The following MAPRE3 variants were observed in gnomAD, a reference collection of about 807,000 sequenced individuals.
MAPRE3 encodes the protein microtubule-associated protein RP/EB family member 3.
Under a neutral mutation model 30.5 loss-of-function variants are expected in MAPRE3, and 2 were observed. The observed-to-expected ratio is 0.07, with a 90% CI of 0.03 to 0.21. The LOEUF (loss-of-function observed/expected upper bound fraction) is 0.21, where lower values mean the gene tolerates loss of function less well. Among genes scored for constraint, MAPRE3 ranks in the 10% least tolerant of loss-of-function variants. The pLI is 1.00. For synonymous variants in MAPRE3, 110 were observed against 127.7 expected, an observed-to-expected ratio of 0.86 and a Z score of 0.93; for missense variants, 204 against 351.8, an observed-to-expected ratio of 0.58 and a Z score of 3.36.
rs142849748 is a variant in MAPRE3 at position 26,982,931 on chromosome 2, G to A, written c.-8+12129G>A. Among the ~76,000 whole-genome samples, 24 of 152,300 alleles carry A rather than the reference G, an allele frequency of 1.6e-4. No individual in the cohort carries two copies. The East Asian group carries it at 4.5e-3, about 28-fold the overall frequency. On this transcript the variant is annotated intron_variant, in intron 1 of 6. Coordinates refer to ENST00000233121, the MANE Select transcript of MAPRE3 (RefSeq NM_012326.4). ...CCTCACATTTGTCCCTAATGGACAA[G>A]AGTGCCAGCAAAAGCAATGTTTTGG...
chr2:27,022,154 C>A (rs572850205), intron 1 of MAPRE3, 58 bp from the exon 2 acceptor site: 51 of 1,585,530 alleles, frequency 3.2e-5, no homozygotes, highest in Non-Finnish European at 4.3e-5. Context: ...TCTCTCTTGA[C>A]AGCTAAGGAG....
intron 1 of MAPRE3, among the ~76,000 whole-genome samples, chr2:26,976,493 G>A (rs1014579621): frequency 2.0e-5 from 3 of 152,096 alleles, no homozygotes; most frequent in Non-Finnish European, 4.4e-5. Context: ...CTGTGGCCAC[G>A]GATGGTTTTT....
intron 4 of MAPRE3, 129 bp from the exon 5 acceptor site, chr2:27,025,454 G>C: frequency 1.1e-6 from 1 of 910,038 alleles, no homozygotes; most frequent in Non-Finnish European, 1.6e-6. Flanking sequence ...CCTTCCTGGG[G>C]TGGGGGCAGG....
At chr2:26,980,008 A>G (rs1055520465) in intron 1 of MAPRE3, among the ~76,000 whole-genome samples, 2 of 152,308 alleles carry the variant, frequency 1.3e-5, no homozygotes, top group East Asian at 1.9e-4. Context: ...GATTCCCTCA[A>G]AGGAATCTCT....
At chr2:26,991,747 G>C (rs998064633) in intron 1 of MAPRE3, among the ~76,000 whole-genome samples, 1 of 152,156 alleles carries the variant, frequency 6.6e-6, no homozygotes, top group Admixed American at 6.5e-5. Context: ...CCCTGGCAAC[G>C]TCTAGGCACG....
intron 2 of MAPRE3, chr2:27,022,617 T>C: frequency 2.7e-6 from 1 of 366,010 alleles, no homozygotes; most frequent in Non-Finnish European, 5.0e-6. Flanking sequence ...TACTAAATAC[T>C]GCAGACAGTT....
chr2:26,990,210 A>G (rs1156443307), intron 1 of MAPRE3, among the ~76,000 whole-genome samples: 2 of 152,260 alleles, frequency 1.3e-5, no homozygotes, highest in East Asian at 1.9e-4. Context: ...TTTGATGCAG[A>G]CCAAAGTTTG....
chr2:27,009,165 A>G (rs1027124386), intron 1 of MAPRE3, among the ~76,000 whole-genome samples: 2 of 152,202 alleles, frequency 1.3e-5, no homozygotes, highest in Non-Finnish European at 1.5e-5. Flanking sequence ...ATAAAATTTC[A>G]TGGAGTATAT....
chr2:27,019,354 C>T (rs1411820548), intron 1 of MAPRE3, among the ~76,000 whole-genome samples: 3 of 7,628 alleles, frequency 3.9e-4, no homozygotes, highest in African/African-American at 1.1e-3. Context: ...GGGAGGATGG[C>T]GGGGGGATGG....
intron 1 of MAPRE3, among the ~76,000 whole-genome samples, chr2:26,989,842 T>G (rs1225816056): frequency 6.6e-6 from 1 of 152,182 alleles, no homozygotes; most frequent in Non-Finnish European, 1.5e-5. Context: ...CACTGACCTG[T>G]TGAATCAGAA....
At chr2:26,981,262 GAA>G (rs1412730097) in intron 1 of MAPRE3, among the ~76,000 whole-genome samples, 1 of 152,158 alleles carries the variant, frequency 6.6e-6, no homozygotes, top group Non-Finnish European at 1.5e-5. Context: ...CGGGCACCAG[GAA>G]TGGGTGTTGC....
At chr2:26,997,508 C>T in intron 1 of MAPRE3, among the ~76,000 whole-genome samples, 1 of 152,124 alleles carries the variant, frequency 6.6e-6, no homozygotes, top group Non-Finnish European at 1.5e-5. Context: ...AGCCTAGATT[C>T]CTCAAATGCA....
intron 2 of MAPRE3, 56 bp from the exon 3 acceptor site, chr2:27,023,276 A>G: frequency 6.5e-7 from 1 of 1,541,198 alleles, no homozygotes; most frequent in East Asian, 2.3e-5. Flanking sequence ...AGTGAGAGAG[A>G]GCAGCTCACA....
chr2:26,980,687 G>A (rs767654469), intron 1 of MAPRE3, among the ~76,000 whole-genome samples: 5 of 152,184 alleles, frequency 3.3e-5, no homozygotes, highest in Non-Finnish European at 7.4e-5. Flanking sequence ...TCCATAAAGT[G>A]AATTACAGAG....
intron 1 of MAPRE3, chr2:27,002,829 T>G (rs1475361590): frequency 1.3e-5 from 2 of 152,280 alleles, no homozygotes; most frequent in Non-Finnish European, 1.5e-5. Flanking sequence ...ACCTGAGTCC[T>G]AATTCAAGGC....
chr2:27,025,538 G>A (rs772281675), intron 4 of MAPRE3, 45 bp from the exon 5 acceptor site: 19 of 1,527,442 alleles, frequency 1.2e-5, no homozygotes, highest in African/African-American at 7.0e-5. Flanking sequence ...TGCCACGTGC[G>A]CTGTGGGCTC....
intron 1 of MAPRE3, among the ~76,000 whole-genome samples, chr2:27,018,122 A>G (rs1667027319): frequency 1.3e-5 from 2 of 152,196 alleles, no homozygotes; most frequent in South Asian, 4.1e-4. Flanking sequence ...TGAAATTCAT[A>G]CACTTTAAGC....
intron 2 of MAPRE3, chr2:27,022,970 G>C (rs1016718214): frequency 5.5e-5 from 10 of 183,204 alleles, no homozygotes; most frequent in Non-Finnish European, 8.1e-5. Context: ...CACCTCTCTG[G>C]GTCCAGCTCT....
rs993447009 is a variant in MAPRE3, at chr2:26,970,741, C to G, written c.-69C>G. 2 of 152,866 alleles carry G rather than the reference C, an allele frequency of 1.3e-5. No homozygotes were observed. Among genetic ancestry groups the G allele is most frequent in the Admixed American group, 6.5e-5 (1 of 15,306 alleles). The allele number at this position is 152,866 out of a possible 1,614,324, so 9.5% of individuals were successfully genotyped here. On this transcript the variant is annotated 5_prime_UTR_variant, in exon 1 of 7. Transcript: ENST00000233121. ...CCGCCGGCCGGAGCCGCAGCCTCTG[C>G]CGCAGCGCCCCCGCCACCTGTCCCC... is the stretch of plus-strand genomic sequence containing the variant.
Sources: allele counts gnomAD v4.1 joint callset (sites outside exome capture counted in the v4.1 genomes callset), GRCh38; gene constraint gnomAD v4.1.1; transcripts MANE v1.5; gene names NCBI Gene and HGNC (gene_info 2026-07-23, HGNC 2026-07-21).